Variants in KSR1 observed in about 807,000 individuals in gnomAD.
The protein encoded by KSR1 is kinase suppressor of ras 1.
In KSR1, 35 loss-of-function variants were observed where a neutral mutation model predicts 92.9. The ratio of observed to expected loss-of-function variants is 0.38; its 90% CI spans 0.29 to 0.50. The LOEUF (loss-of-function observed/expected upper bound fraction) is 0.50, where lower values mean the gene tolerates loss of function less well. Among genes scored for constraint, KSR1 ranks in the 20% least tolerant of loss-of-function variants. The pLI is 0.94. For synonymous variants in KSR1, 467 were observed against 472.6 expected (o/e 0.99, Z 0.15); for missense variants, 972 against 1,158.5 (o/e 0.84, Z 2.34).
At chr17:27,606,896 T>G (rs12449473) in intron 14 of KSR1, among the ~76,000 whole-genome samples, 21,490 of 152,126 alleles carry the variant, frequency 0.14, 1,679 homozygotes, top group Admixed American at 0.23. Context: ...CAGTGGCGTG[T>G]TCTTGGCTCA....
chr17:27,501,292 C>CTTTTTTTTTTTTTTTTTTTTTTTTTTTTT lies in KSR1; in HGVS notation c.231+44443_231+44444insTTTTTTTTTTTTTTTTTTTTTTTTTTTTT. ...TTTTTTTTTTTTAATTTCTTTTCTT[C>CTTTTTTTTTTTTTTTTTTTTTTTTTTTTT]TTTTTTTTTTTTTTTTTTTTTTTTT... is the stretch of plus-strand genomic sequence containing the variant. On this transcript the variant is annotated intron_variant, in intron 1 of 20. Coordinates refer to ENST00000644974, the MANE Select transcript of KSR1 (RefSeq NM_001394583.1). Among the ~76,000 whole-genome samples, 28 of 49,706 alleles carry CTTTTTTTTTTTTTTTTTTTTTTTTTTTTT rather than the reference C, an allele frequency of 5.6e-4. 1 individual carries two copies. The highest frequency in any genetic ancestry group is 1.3e-3 in the South Asian group (1 of 780). 32.6% of individuals were successfully genotyped at this position (49,706 alleles called of 152,430 possible).
rs188595917 is a variant in KSR1, at chr17:27,623,201, T to C, written c.2709-113T>C. The stretch of plus-strand genomic sequence containing the variant: ...AGGGCTGTTGGCCAATCAGTCATTT[T>C]CATTTCTTGTTGGAGGCCAGGTCCT... On this transcript the variant is annotated intron_variant, in intron 20 of 20. Coordinates refer to ENST00000644974, the MANE Select transcript of KSR1 (RefSeq NM_001394583.1). 1.1e-5 allele frequency: 8 copies of C among 698,766 alleles called. No homozygotes were observed. The African/African-American group carries it at 1.2e-4, about 11-fold the overall frequency. The allele number at this position is 698,766 out of a possible 1,614,324, so 43.3% of individuals were successfully genotyped here.
chr17:27,590,820 C>T lies in KSR1; in HGVS notation c.1056C>T (p.Thr352=). ...TGTCCGCCCTCTGCAGGTTCTCCAC[C>T]AAGTCCTGGCTGTCGCAGGTCTGCC... ...IGLSVTHRFS[T]KSWLSQVCHV... The change falls in exon 7 of 21, where the codon ACC becomes ACT. Residue 352 remains threonine (T), a synonymous_variant. Coordinates refer to ENST00000644974, the MANE Select transcript of KSR1 (RefSeq NM_001394583.1). 1 of 1,610,720 alleles carries T rather than the reference C, an allele frequency of 6.2e-7. No homozygotes were observed. Among genetic ancestry groups the T allele is most frequent in the South Asian group, 1.1e-5 (1 of 89,944 alleles).
chr17:27,604,599 G>C, intron 12 of KSR1, 81 bp from the exon 13 acceptor site: 3 of 1,394,766 alleles, frequency 2.2e-6, no homozygotes, highest in Admixed American at 3.4e-5. Flanking sequence ...CTTTGTCTCA[G>C]ATCTCTCCCG....
At chr17:27,553,433 G>A (rs2071472782) in intron 2 of KSR1, among the ~76,000 whole-genome samples, 1 of 152,234 alleles carries the variant, frequency 6.6e-6, no homozygotes, top group African/African-American at 2.4e-5. Flanking sequence ...TTAGGACAGA[G>A]AGGGCGGCAC....
intron 15 of KSR1, among the ~76,000 whole-genome samples, chr17:27,608,878 A>C (rs2073838049): frequency 6.6e-6 from 1 of 151,440 alleles, no homozygotes; most frequent in African/African-American, 2.4e-5. Flanking sequence ...ACTGTCCCTG[A>C]CCCCCCGGCT....
chr17:27,590,169 C>G (rs2073113676), intron 6 of KSR1, among the ~76,000 whole-genome samples: 1 of 152,218 alleles, frequency 6.6e-6, no homozygotes, highest in South Asian at 2.1e-4. Flanking sequence ...GACAGTGCTA[C>G]CATCCAGTGG....
intron 13 of KSR1, 30 bp from the exon 14 acceptor site, chr17:27,605,404 C>G: frequency 3.1e-6 from 5 of 1,597,006 alleles, no homozygotes; most frequent in Non-Finnish European, 3.4e-6. Flanking sequence ...GATCTGCTGC[C>G]CATCCCTGTT....
intron 1 of KSR1, among the ~76,000 whole-genome samples, chr17:27,510,852 G>A (rs140774912): frequency 1.1e-3 from 167 of 152,250 alleles, no homozygotes; most frequent in Non-Finnish European, 1.8e-3. Flanking sequence ...TGAGCATCCC[G>A]CATTGCCTGC....
intron 1 of KSR1, among the ~76,000 whole-genome samples, chr17:27,516,572 A>G (rs1269479729): frequency 4.0e-5 from 6 of 148,586 alleles, no homozygotes; most frequent in African/African-American, 1.5e-4. Flanking sequence ...TTCATATCTG[A>G]TTACAAGAGT....
At chr17:27,525,065 C>T (rs1008951744) in intron 1 of KSR1, among the ~76,000 whole-genome samples, 3 of 152,160 alleles carry the variant, frequency 2.0e-5, no homozygotes, top group African/African-American at 4.8e-5. Context: ...CTCAGTCACC[C>T]GCATCAGTCC....
chr17:27,464,093 G>A (rs1182757160), intron 1 of KSR1, among the ~76,000 whole-genome samples: 2 of 152,298 alleles, frequency 1.3e-5, no homozygotes, highest in East Asian at 3.9e-4. Flanking sequence ...ACCACCTTGA[G>A]TCTGGCCTGT....
chr17:27,526,329 A>G (rs2070296828), intron 1 of KSR1: 5 of 1,218,332 alleles, frequency 4.1e-6, no homozygotes, highest in Admixed American at 5.0e-5. Flanking sequence ...CCGCAAGTCC[A>G]TGTTCCAGAC....
At chr17:27,506,104 C>T (rs1307614020) in intron 1 of KSR1, among the ~76,000 whole-genome samples, 8 of 152,238 alleles carry the variant, frequency 5.3e-5, no homozygotes, top group Admixed American at 5.2e-4. Context: ...TCTATGCTCC[C>T]TCTTTGTCCT....
chr17:27,493,381 C>T (rs1457289046), intron 1 of KSR1, among the ~76,000 whole-genome samples: 2 of 152,164 alleles, frequency 1.3e-5, no homozygotes, highest in African/African-American at 4.8e-5. Context: ...GGCTGTGAAA[C>T]ACCGGGGTCA....
intron 1 of KSR1, among the ~76,000 whole-genome samples, chr17:27,539,682 G>A (rs2070887496): frequency 1.3e-5 from 2 of 152,188 alleles, no homozygotes; most frequent in South Asian, 4.1e-4. Context: ...GGGGTAAAGT[G>A]GGTGTCTTTC....
intron 1 of KSR1, among the ~76,000 whole-genome samples, chr17:27,482,501 AC>A (rs1247513061): frequency 1.3e-5 from 2 of 152,192 alleles, no homozygotes; most frequent in African/African-American, 4.8e-5. Context: ...TTAAGGACCA[AC>A]TATGATTTAA....
intron 20 of KSR1, chr17:27,622,308 C>T: frequency 3.7e-6 from 1 of 273,396 alleles, no homozygotes; most frequent in South Asian, 4.3e-5. Context: ...TAGTGAGATG[C>T]CTTCCACCCT....
chr17:27,501,279 A>ATTTTTTTTTTTTTTTTTTTTTTTTTT (rs1555570836), intron 1 of KSR1, among the ~76,000 whole-genome samples: 1 of 70,344 alleles, frequency 1.4e-5, no homozygotes, highest in Non-Finnish European at 3.0e-5. Context: ...TTTTTTTTTT[A>ATTTTTTTTTTTTTTTTTTTTTTTTTT]ATTTCTTTTC....
Sources: allele counts gnomAD v4.1 joint callset (sites outside exome capture counted in the v4.1 genomes callset), GRCh38; gene constraint gnomAD v4.1.1; transcripts MANE v1.5; gene names NCBI Gene and HGNC (gene_info 2026-07-23, HGNC 2026-07-21).